The following CHST9 variants were observed in gnomAD, a reference collection of about 807,000 sequenced individuals.
CHST9 encodes the protein carbohydrate sulfotransferase 9.
A neutral mutation model predicts 44.4 loss-of-function variants in CHST9; 41 were observed. The ratio of observed to expected loss-of-function variants is 0.92; its 90% CI spans 0.72 to 1.20. The LOEUF (loss-of-function observed/expected upper bound fraction) is 1.20, where lower values mean the gene tolerates loss of function less well. Ranked by LOEUF, CHST9 falls within the 50% of genes most tolerant of loss-of-function variation. CHST9 has a pLI of 0.00. For synonymous variants in CHST9, 171 were observed against 178.4 expected, an observed-to-expected ratio of 0.96 and a Z score of 0.33; for missense variants, 504 against 516.5, an observed-to-expected ratio of 0.98 and a Z score of 0.23.
intron 2 of CHST9, among the ~76,000 whole-genome samples, chr18:27,067,232 T>G (rs2057791429): frequency 6.6e-6 from 1 of 150,908 alleles, no homozygotes; most frequent in African/African-American, 2.4e-5. Flanking sequence ...ATAACCGACT[T>G]TTTTTTTTGA....
At chr18:27,006,895 T>C (rs924750983) in intron 4 of CHST9, among the ~76,000 whole-genome samples, 1 of 152,146 alleles carries the variant, frequency 6.6e-6, no homozygotes. Flanking sequence ...CATGGCAATA[T>C]CAAACACAGC....
chr18:26,963,560 T>C (rs2145154753), intron 4 of CHST9, among the ~76,000 whole-genome samples: 1 of 146,796 alleles, frequency 6.8e-6, no homozygotes, highest in East Asian at 2.0e-4. Context: ...CAGCTTCTGT[T>C]TTTAAGGAGT....
intron 2 of CHST9, among the ~76,000 whole-genome samples, chr18:27,094,695 C>A (rs2058100458): frequency 6.6e-6 from 1 of 152,124 alleles, no homozygotes; most frequent in Non-Finnish European, 1.5e-5. Context: ...ATAATAGATA[C>A]AAAGCTTGGA....
At chr18:27,181,364 G>A (rs747052511) in intron 1 of CHST9, among the ~76,000 whole-genome samples, 10 of 152,150 alleles carry the variant, frequency 6.6e-5, no homozygotes, top group Non-Finnish European at 1.3e-4. Flanking sequence ...TGTTAAATTG[G>A]CAGTCTTGCT....
intron 1 of CHST9, among the ~76,000 whole-genome samples, chr18:27,180,162 C>A (rs2058900649): frequency 6.6e-6 from 1 of 152,002 alleles, no homozygotes; most frequent in African/African-American, 2.4e-5. Context: ...TTAAGTCTAC[C>A]CTCATTCTTT....
At chr18:27,153,551 T>G (rs972671129) in intron 1 of CHST9, among the ~76,000 whole-genome samples, 5 of 134,018 alleles carry the variant, frequency 3.7e-5, no homozygotes, top group African/African-American at 1.3e-4. Context: ...TCTCTCTGTG[T>G]GTGTGTGTGT....
intron 2 of CHST9, among the ~76,000 whole-genome samples, chr18:27,080,706 T>C (rs1447327184): frequency 6.6e-6 from 1 of 152,126 alleles, no homozygotes; most frequent in Non-Finnish European, 1.5e-5. Flanking sequence ...TAGGGGCAAG[T>C]AGGTCTTTTC....
intron 4 of CHST9, among the ~76,000 whole-genome samples, chr18:26,990,280 T>C (rs1027559192): frequency 6.6e-5 from 10 of 152,174 alleles, no homozygotes; most frequent in Non-Finnish European, 2.9e-5. Context: ...TATGTGCAAT[T>C]TGTTGTATAT....
chr18:26,981,631 G>T (rs2056693151), intron 4 of CHST9, among the ~76,000 whole-genome samples: 1 of 152,200 alleles, frequency 6.6e-6, no homozygotes. Context: ...CATGGAATTT[G>T]GAGGTATGAT....
intron 4 of CHST9, among the ~76,000 whole-genome samples, chr18:27,000,660 CTA>C: frequency 6.6e-6 from 1 of 151,710 alleles, no homozygotes; most frequent in Middle Eastern, 3.4e-3. Flanking sequence ...ATCTATCTCT[CTA>C]TCTATCTATT....
intron 4 of CHST9, among the ~76,000 whole-genome samples, chr18:27,007,890 T>C (rs1465795577): frequency 6.6e-6 from 1 of 152,210 alleles, no homozygotes; most frequent in Non-Finnish European, 1.5e-5. Flanking sequence ...AAAAGAGCTG[T>C]ATCTGGAAAA....
chr18:27,096,992 A>G (rs1889831794), intron 2 of CHST9, among the ~76,000 whole-genome samples: 1 of 152,134 alleles, frequency 6.6e-6, no homozygotes, highest in African/African-American at 2.4e-5. Context: ...ACTACAGGCC[A>G]ACATCCCTGA....
In CHST9 at chr18:27,065,114, T is replaced by C. The variant is rs77060368; in HGVS notation, c.122-16611A>G. ...TCATCTTGAAGACTGGATAATGTCA[T>C]GTAATGGAATTAAAATACATACATA... On this transcript the variant is annotated intron_variant, in intron 2 of 5. Transcript: ENST00000618847. Among the ~76,000 whole-genome samples, 122 of 152,340 alleles carry C rather than the reference T, an allele frequency of 8.0e-4. 3 individuals are homozygous for C. In the East Asian group the frequency reaches 0.02, roughly 26 times the overall value.
intron 1 of CHST9, among the ~76,000 whole-genome samples, chr18:27,171,722 T>C (rs548573103): frequency 7.9e-5 from 12 of 152,306 alleles, no homozygotes; most frequent in African/African-American, 2.6e-4. Flanking sequence ...AAACAGTTAA[T>C]CATTGAGTTC....
chr18:27,184,198 T>G (rs2143992680), intron 1 of CHST9, among the ~76,000 whole-genome samples: 1 of 152,276 alleles, frequency 6.6e-6, no homozygotes, highest in Middle Eastern at 3.4e-3. Flanking sequence ...ACATTGTGTA[T>G]TATTCACTTG....
intron 4 of CHST9, among the ~76,000 whole-genome samples, chr18:26,967,894 T>C (rs981491259): frequency 2.0e-5 from 3 of 152,242 alleles, no homozygotes; most frequent in African/African-American, 4.8e-5. Flanking sequence ...CTAAGTTTTC[T>C]GGCCTCCATC....
At chr18:27,100,006 GAT>G (rs1160524961) in intron 2 of CHST9, among the ~76,000 whole-genome samples, 3 of 132,156 alleles carry the variant, frequency 2.3e-5, no homozygotes, top group African/African-American at 8.9e-5. Flanking sequence ...TAAATAAAAT[GAT>G]ATATATATAA....
chr18:27,127,683 T>C (rs1454025822), intron 2 of CHST9, among the ~76,000 whole-genome samples: 1 of 152,106 alleles, frequency 6.6e-6, no homozygotes, highest in Non-Finnish European at 1.5e-5. Context: ...CTGTGTATAA[T>C]TACAGAAACG....
At chr18:27,042,504 A>G (rs1007322942) in intron 3 of CHST9, among the ~76,000 whole-genome samples, 1 of 152,086 alleles carries the variant, frequency 6.6e-6, no homozygotes, top group Non-Finnish European at 1.5e-5. Flanking sequence ...TTTTCTCCAG[A>G]CAGCTTTCCA....
Sources: gnomAD v4.1 joint callset for allele counts (sites outside exome capture counted in the v4.1 genomes callset) on GRCh38, gnomAD v4.1.1 for gene constraint, MANE v1.5 for transcripts, NCBI Gene and HGNC (gene_info 2026-07-23, HGNC 2026-07-21) for gene names.